CCBE1: variants seen among roughly 807,000 people sequenced by gnomAD.
CCBE1 encodes the protein collagen and calcium-binding EGF domain-containing protein 1.
CCBE1 carries 37 observed loss-of-function variants against 50.0 expected under a neutral mutation model. That is an observed-to-expected ratio of 0.74 (90% CI 0.57 to 0.97). The LOEUF is 0.97. CCBE1 is among the 50% of genes least tolerant of loss of function. The pLI is 0.00. For synonymous variants in CCBE1, 234 were observed against 203.7 expected (o/e 1.15, Z -1.27); for missense variants, 538 against 523.8 (o/e 1.03, Z -0.26).
intron 2 of CCBE1, among the ~76,000 whole-genome samples, chr18:59,517,099 G>T (rs569001005): frequency 1.3e-5 from 2 of 152,332 alleles, no homozygotes; most frequent in East Asian, 3.9e-4. Flanking sequence ...TGGCACAGCA[G>T]GTGGGACAGG....
In CCBE1 at chr18:59,431,631, A is replaced by G. The variant is rs1327971251; in HGVS notation, c.*4277T>C. The G allele has an allele frequency of 6.6e-6, 1 of 152,248 alleles. No homozygotes were observed. Among genetic ancestry groups the G allele is most frequent in the Non-Finnish European group, 1.5e-5 (1 of 68,042 alleles). 9.4% of individuals were successfully genotyped at this position (152,248 alleles called of 1,614,324 possible). A position where few individuals can be genotyped will look rare whatever the true frequency, so the allele number is the denominator to read the frequency against. Reference sequence around the variant, plus strand: ...AACAGGGCTCACCAGGCCCACAGCAATTATGAACCTTGGAAAGATGGCCAA... The same window carrying G: ...AACAGGGCTCACCAGGCCCACAGCAGTTATGAACCTTGGAAAGATGGCCAA... On this transcript the variant is annotated 3_prime_UTR_variant, in exon 11 of 11. Transcript: ENST00000439986.
chr18:59,451,127 G>T (rs982468127), intron 6 of CCBE1, among the ~76,000 whole-genome samples: 1 of 152,090 alleles, frequency 6.6e-6, no homozygotes, highest in Admixed American at 6.5e-5. Context: ...AATCCTCTCC[G>T]TAGTGTTTTG....
chr18:59,682,927 C>G (rs73961294), intron 2 of CCBE1, among the ~76,000 whole-genome samples: 8 of 152,154 alleles, frequency 5.3e-5, no homozygotes, highest in Admixed American at 2.6e-4. Context: ...CTTCTTGTGC[C>G]CCCCCTTCCC....
At chr18:59,549,817 A>G (rs949193624) in intron 2 of CCBE1, among the ~76,000 whole-genome samples, 6 of 152,208 alleles carry the variant, frequency 3.9e-5, no homozygotes, top group Non-Finnish European at 8.8e-5. Flanking sequence ...ATTCTTCTCA[A>G]TAGGCATGGG....
chr18:59,648,821 AG>A (rs2054090010), intron 2 of CCBE1, among the ~76,000 whole-genome samples: 2 of 152,222 alleles, frequency 1.3e-5, no homozygotes, highest in Non-Finnish European at 2.9e-5. Context: ...GGCTTTGAAC[AG>A]GGCCCAACTG....
chr18:59,596,529 T>C (rs2053353244), intron 2 of CCBE1, among the ~76,000 whole-genome samples: 1 of 152,202 alleles, frequency 6.6e-6, no homozygotes, highest in African/African-American at 2.4e-5. Context: ...GGCTATGATA[T>C]ACGGCGGAGG....
At chr18:59,611,317 T>C (rs992717467) in intron 2 of CCBE1, among the ~76,000 whole-genome samples, 1 of 152,230 alleles carries the variant, frequency 6.6e-6, no homozygotes, top group Non-Finnish European at 1.5e-5. Context: ...TATGTGTACA[T>C]AGCCTTTCTT....
chr18:59,684,259 G>T (rs1167307368), intron 2 of CCBE1, among the ~76,000 whole-genome samples: 1 of 152,130 alleles, frequency 6.6e-6, no homozygotes, highest in Non-Finnish European at 1.5e-5. Context: ...GACCAGCCTG[G>T]CCAACATGGC....
At chr18:59,548,526 T>C (rs1446538716) in intron 2 of CCBE1, among the ~76,000 whole-genome samples, 1 of 152,042 alleles carries the variant, frequency 6.6e-6, no homozygotes, top group South Asian at 2.1e-4. Context: ...CGCAATCATA[T>C]AAAAAAGAAA....
chr18:59,561,922 A>G (rs1047637799), intron 2 of CCBE1, among the ~76,000 whole-genome samples: 6 of 152,156 alleles, frequency 3.9e-5, no homozygotes, highest in Admixed American at 3.9e-4. Context: ...CTGCTGCTGG[A>G]TAATATCATG....
chr18:59,678,312 T>C (rs1285262535), intron 2 of CCBE1, among the ~76,000 whole-genome samples: 1 of 152,162 alleles, frequency 6.6e-6, no homozygotes, highest in Non-Finnish European at 1.5e-5. Context: ...GGGCACAAAG[T>C]CTTCCCGGCT....
chr18:59,657,079 C>CA (rs776633662), intron 2 of CCBE1, among the ~76,000 whole-genome samples: 2 of 152,234 alleles, frequency 1.3e-5, no homozygotes, highest in Non-Finnish European at 2.9e-5. Flanking sequence ...TTGAGCCTTC[C>CA]ATTTCCTTGG....
chr18:59,490,762 A>C (rs775636241), intron 2 of CCBE1, among the ~76,000 whole-genome samples: 2 of 152,252 alleles, frequency 1.3e-5, no homozygotes, highest in African/African-American at 2.4e-5. Context: ...AGGAAACCAT[A>C]GTATCATTTA....
At chr18:59,630,656 G>A (rs1227801012) in intron 2 of CCBE1, among the ~76,000 whole-genome samples, 1 of 152,206 alleles carries the variant, frequency 6.6e-6, no homozygotes, top group Non-Finnish European at 1.5e-5. Context: ...ACGTAAGTGT[G>A]ACCTCTCCAG....
At chr18:59,545,478 G>A (rs1213531799) in intron 2 of CCBE1, among the ~76,000 whole-genome samples, 8 of 152,192 alleles carry the variant, frequency 5.3e-5, no homozygotes, top group African/African-American at 7.2e-5. Context: ...ACCATTCCAC[G>A]TCAGTATATA....
intron 2 of CCBE1, among the ~76,000 whole-genome samples, chr18:59,524,489 A>G (rs765632122): frequency 6.6e-6 from 1 of 152,220 alleles, no homozygotes; most frequent in Non-Finnish European, 1.5e-5. Flanking sequence ...AACCAGAAGG[A>G]TAGAAACAAG....
intron 2 of CCBE1, among the ~76,000 whole-genome samples, chr18:59,597,042 C>A (rs1008912667): frequency 6.6e-6 from 1 of 152,240 alleles, no homozygotes; most frequent in Non-Finnish European, 1.5e-5. Context: ...TCAAAAGCTT[C>A]CACATGCATT....
At chr18:59,569,494 A>G (rs541075615) in intron 2 of CCBE1, among the ~76,000 whole-genome samples, 23 of 152,222 alleles carry the variant, frequency 1.5e-4, no homozygotes, top group Non-Finnish European at 2.6e-4. Context: ...TACAGATAAG[A>G]AAACAGAATG....
chr18:59,452,621 G>A (rs1014740198), intron 6 of CCBE1, among the ~76,000 whole-genome samples: 2 of 151,862 alleles, frequency 1.3e-5, no homozygotes, highest in African/African-American at 2.4e-5. Flanking sequence ...CAAAACCAAC[G>A]GACAGTTCAA....
Sources: gnomAD v4.1 joint callset for allele counts (sites outside exome capture counted in the v4.1 genomes callset) on GRCh38, gnomAD v4.1.1 for gene constraint, MANE v1.5 for transcripts, NCBI Gene and HGNC (gene_info 2026-07-23, HGNC 2026-07-21) for gene names.